GRIK1: variants seen among roughly 807,000 people sequenced by gnomAD.
The protein encoded by GRIK1 is glutamate receptor ionotropic, kainate 1.
A neutral mutation model predicts 105.7 loss-of-function variants in GRIK1; 69 were observed. The observed-to-expected ratio is 0.65, with a 90% confidence interval of 0.54 to 0.80. GRIK1 has a LOEUF of 0.80. Ranked by LOEUF, GRIK1 falls within the 30% of genes least tolerant of loss-of-function variation. The pLI is 0.00. For missense variants in GRIK1, 1,109 were observed against 1,167.3 expected, an observed-to-expected ratio of 0.95 and a Z score of 0.73; for synonymous variants, 438 against 431.3, an observed-to-expected ratio of 1.02 and a Z score of -0.19.
chr21:29,807,326 T>C (rs377100255), intron 1 of GRIK1, among the ~76,000 whole-genome samples: 19 of 152,238 alleles, frequency 1.2e-4, no homozygotes, highest in African/African-American at 4.6e-4. Context: ...GTACACATTC[T>C]TGGTGGCAGT....
At chr21:29,764,936 A>G (rs991191629) in intron 1 of GRIK1, among the ~76,000 whole-genome samples, 2 of 152,230 alleles carry the variant, frequency 1.3e-5, no homozygotes, top group African/African-American at 4.8e-5. Flanking sequence ...TTCAATTCCC[A>G]GACTATTTAT....
chr21:29,543,611 G>T (rs1461698314), intron 16 of GRIK1, among the ~76,000 whole-genome samples: 1 of 152,168 alleles, frequency 6.6e-6, no homozygotes, highest in African/African-American at 2.4e-5. Flanking sequence ...TTTAAAAAAA[G>T]TGAATCCTAG....
chr21:29,819,132 AT>A (rs769287805), intron 1 of GRIK1, among the ~76,000 whole-genome samples: 72 of 152,246 alleles, frequency 4.7e-4, no homozygotes, highest in Admixed American at 7.2e-4. Flanking sequence ...TGGCAGTCTT[AT>A]TTCAAGATAC....
chr21:29,710,773 C>G lies in GRIK1; in HGVS notation c.119-16710G>C, dbSNP rs569079897. Reference sequence around the variant, plus strand: ...TGCCTTTCCCTCCCTCCGTCCGTCCCTCCCTCCCTCCCTCCCTCCTTCCTT... The same window carrying G: ...TGCCTTTCCCTCCCTCCGTCCGTCCGTCCCTCCCTCCCTCCCTCCTTCCTT... On this transcript the variant is annotated intron_variant, in intron 1 of 17. Coordinates refer to ENST00000327783, the MANE Select transcript of GRIK1 (RefSeq NM_001330994.2). Among the ~76,000 whole-genome samples, 17 of 34,378 alleles carry G rather than the reference C, an allele frequency of 4.9e-4. No homozygotes were observed. The East Asian group carries it at 6.4e-3, about 13-fold the overall frequency. The allele number at this position is 34,378 out of a possible 152,430, so 22.6% of individuals were successfully genotyped here. A position where few individuals can be genotyped will look rare whatever the true frequency, so the allele number is the denominator to read the frequency against.
rs1193354651 is a variant in GRIK1, at chr21:29,555,086, A to G, written c.2573T>C (p.Ile858Thr). The change falls in exon 16 of 18, where the codon ATA becomes ACA. Residue 858 changes from isoleucine to threonine, a missense_variant. By Grantham distance (89) the Ile-to-Thr change is moderately conservative (BLOSUM62 -1). Around this residue, in one of 5 missense-constraint regions of GRIK1, gnomAD observed 161 missense variants for 143.4 expected, o/e 1.12. Transcript: ENST00000327783. ...LSVFVAIGEF[I>T]YKSRKNNDIE... ...ATCATTATTCTTCCGTGATTTGTAT[A>G]TGAATTCTCCAATAGCTACAAATAC... 3.1e-6 allele frequency: 5 copies of G among 1,609,744 alleles called. No homozygotes were observed. The highest frequency in any genetic ancestry group is 1.1e-5 in the South Asian group (1 of 91,004).
intron 14 of GRIK1, among the ~76,000 whole-genome samples, chr21:29,562,837 T>C (rs577307187): frequency 5.3e-5 from 8 of 151,916 alleles, no homozygotes; most frequent in East Asian, 1.9e-4. Flanking sequence ...AAATTATATA[T>C]GTTATGTAAT....
At chr21:29,801,304 C>T (rs982683513) in intron 1 of GRIK1, among the ~76,000 whole-genome samples, 1 of 151,586 alleles carries the variant, frequency 6.6e-6, no homozygotes, top group Non-Finnish European at 1.5e-5. Context: ...ATTACTTTTG[C>T]ACCAACTTAA....
chr21:29,541,575 C>A (rs73897671), intron 16 of GRIK1, among the ~76,000 whole-genome samples: 1 of 96,006 alleles, frequency 1.0e-5, no homozygotes, highest in Non-Finnish European at 2.0e-5. Context: ...CACTCACGGT[C>A]TTTTTTTTTT....
chr21:29,712,306 A>G (rs1350571707), intron 1 of GRIK1, among the ~76,000 whole-genome samples: 1 of 152,076 alleles, frequency 6.6e-6, no homozygotes, highest in Non-Finnish European at 1.5e-5. Flanking sequence ...ATTCATTTCC[A>G]ATTTTTTGCT....
intron 1 of GRIK1, among the ~76,000 whole-genome samples, chr21:29,861,102 A>G (rs966722469): frequency 6.6e-6 from 1 of 152,134 alleles, no homozygotes; most frequent in Non-Finnish European, 1.5e-5. Flanking sequence ...AAAGACAATC[A>G]TGTCATCTGG....
At chr21:29,618,765 T>C (rs2061910382) in intron 7 of GRIK1, among the ~76,000 whole-genome samples, 2 of 152,178 alleles carry the variant, frequency 1.3e-5, no homozygotes, top group South Asian at 4.1e-4. Context: ...AACTTAGGAA[T>C]AGAAAACCAA....
chr21:29,608,972 A>G (rs924792730), intron 7 of GRIK1, among the ~76,000 whole-genome samples: 2 of 152,062 alleles, frequency 1.3e-5, no homozygotes, highest in African/African-American at 4.8e-5. Flanking sequence ...AGTAGGATTA[A>G]GTGAACTGCT....
At chr21:29,625,209 C>T (rs529620929) in intron 7 of GRIK1, among the ~76,000 whole-genome samples, 11 of 152,046 alleles carry the variant, frequency 7.2e-5, no homozygotes, top group South Asian at 6.2e-4. Context: ...GGGTAGAGGA[C>T]GGGCAACATA....
At chr21:29,898,306 G>C (rs562749402) in intron 1 of GRIK1, among the ~76,000 whole-genome samples, 1 of 152,138 alleles carries the variant, frequency 6.6e-6, no homozygotes, top group East Asian at 1.9e-4. Context: ...TAAGTGCTAC[G>C]ATGCCCTCGA....
At chr21:29,591,311 G>T in intron 9 of GRIK1, 86 bp from the exon 10 acceptor site, 1 of 821,394 alleles carries the variant, frequency 1.2e-6, no homozygotes, top group Non-Finnish European at 2.2e-6. Context: ...CCAGGAATGG[G>T]CACAAAAGCT....
intron 14 of GRIK1, among the ~76,000 whole-genome samples, chr21:29,562,545 C>T (rs1443675538): frequency 2.0e-5 from 3 of 152,096 alleles, no homozygotes; most frequent in Non-Finnish European, 2.9e-5. Context: ...ATCCCAGCTA[C>T]TCAGGAGGCT....
intron 1 of GRIK1, among the ~76,000 whole-genome samples, chr21:29,788,642 C>T (rs1040478932): frequency 6.6e-6 from 1 of 152,138 alleles, no homozygotes; most frequent in African/African-American, 2.4e-5. Context: ...ATTATTATTA[C>T]GTTGTAATAT....
intron 1 of GRIK1, among the ~76,000 whole-genome samples, chr21:29,877,938 G>A (rs969382705): frequency 4.6e-5 from 7 of 152,208 alleles, no homozygotes; most frequent in African/African-American, 1.7e-4. Flanking sequence ...GAAAAAACAC[G>A]ATAAAAGAAG....
intron 14 of GRIK1, among the ~76,000 whole-genome samples, chr21:29,563,722 C>T (rs1027607280): frequency 6.6e-6 from 1 of 152,162 alleles, no homozygotes; most frequent in Non-Finnish European, 1.5e-5. Context: ...AGGAAACTAC[C>T]TTAAGGGAAA....
Sources: allele counts gnomAD v4.1 joint callset (sites outside exome capture counted in the v4.1 genomes callset), GRCh38; gene constraint gnomAD v4.1.1; regional missense constraint gnomAD v4.1.1; transcripts MANE v1.5; gene names NCBI Gene and HGNC (gene_info 2026-07-23, HGNC 2026-07-21).